Variants in TENM3 observed in about 807,000 individuals in gnomAD.
TENM3 encodes the protein teneurin transmembrane protein 3.
Under a neutral mutation model 255.1 loss-of-function variants are expected in TENM3, and 63 were observed. The ratio of observed to expected loss-of-function variants is 0.25; its 90% CI spans 0.20 to 0.30. The LOEUF (loss-of-function observed/expected upper bound fraction) is 0.30. Ranked by LOEUF, TENM3 falls within the 10% of genes least tolerant of loss-of-function variation. The pLI, the probability that TENM3 is intolerant of heterozygous loss-of-function variation, is 1.00. For missense variants in TENM3, 2,929 were observed against 3,461.1 expected (o/e 0.85, Z 3.86); for synonymous variants, 1,306 against 1,322.3 (o/e 0.99, Z 0.27).
At chr4:181,767,104 T>C in the TENM3 span, among the ~76,000 whole-genome samples, 1 of 135,550 alleles carries the variant, frequency 7.4e-6, no homozygotes. Flanking sequence ...TACAAAAAAT[T>C]AGCAGGGCGT....
At chr4:181,932,075 A>G in the TENM3 span, among the ~76,000 whole-genome samples, 315 of 152,248 alleles carry the variant, frequency 2.1e-3, 2 homozygotes, top group Middle Eastern at 0.017. Flanking sequence ...TAGAAGAAAA[A>G]CCTAGGCAAT....
chr4:182,357,286 T>C (rs1319391945), intron 3 of TENM3, among the ~76,000 whole-genome samples: 1 of 151,586 alleles, frequency 6.6e-6, no homozygotes, highest in African/African-American at 2.4e-5. Context: ...CCCTGAGGAA[T>C]CGCCACACTG....
At chr4:182,768,436 G>A (rs1406839751) in intron 22 of TENM3, among the ~76,000 whole-genome samples, 3 of 152,156 alleles carry the variant, frequency 2.0e-5, no homozygotes, top group Admixed American at 2.0e-4. Flanking sequence ...ATCTACTGAA[G>A]ATGTTTAAGT....
chr4:182,045,522 T>G, the TENM3 span, among the ~76,000 whole-genome samples: 3,801 of 152,270 alleles, frequency 0.025, 163 homozygotes, highest in African/African-American at 0.084. Flanking sequence ...TCATTGCGTT[T>G]TTTTAAGGGT....
At chr4:181,622,514 A>G in the TENM3 span, among the ~76,000 whole-genome samples, 1 of 152,026 alleles carries the variant, frequency 6.6e-6, no homozygotes, top group Non-Finnish European at 1.5e-5. Flanking sequence ...TGTCTCTAAT[A>G]AAAATACAAA....
At chr4:181,873,787 GTTTA>G in the TENM3 span, among the ~76,000 whole-genome samples, 1 of 151,424 alleles carries the variant, frequency 6.6e-6, no homozygotes, top group Admixed American at 6.6e-5. Context: ...TGTTTTTTGT[GTTTA>G]TTTGTTTGTT....
rs761695007 is a variant in TENM3 at position 182,800,304 on chromosome 4, G to A, written c.8053G>A (p.Ala2685Thr). The change falls in exon 28 of 28, where the codon GCC becomes ACC. Residue 2685 changes from alanine (A) to threonine (T), a missense_variant. Physicochemically the swap from Ala to Thr is moderately conservative, Grantham distance 58. Transcript: ENST00000511685. The stretch of plus-strand genomic sequence containing the variant: ...GCAGTACCCCGAGCTGGCCGACAGC[G>A]CCAACAACATCCAGTTCCTGCGGCA... ...VEQYPELADS[A>T]NNIQFLRQSE... The A allele has an allele frequency of 6.9e-6, 11 of 1,594,172 alleles. No individual in the cohort carries two copies. The Admixed American group carries it at 1.3e-4, about 19-fold the overall frequency.
chr4:181,586,111 G>A, the TENM3 span, among the ~76,000 whole-genome samples: 2 of 152,176 alleles, frequency 1.3e-5, no homozygotes, highest in Admixed American at 1.3e-4. Flanking sequence ...TGGAGGGAAG[G>A]GGAAGACTTG....
the TENM3 span, among the ~76,000 whole-genome samples, chr4:181,654,768 A>AG: frequency 1.3e-5 from 2 of 151,404 alleles, no homozygotes; most frequent in African/African-American, 4.9e-5. Flanking sequence ...AAAAAAAAAA[A>AG]AAAAAAGAAG....
chr4:182,783,644 A>G (rs961423033), intron 24 of TENM3, among the ~76,000 whole-genome samples: 44 of 151,862 alleles, frequency 2.9e-4, no homozygotes, highest in African/African-American at 1.0e-3. Flanking sequence ...AATATCCTGC[A>G]GAGTGTTTTC....
chr4:181,734,167 A>G, the TENM3 span, among the ~76,000 whole-genome samples: 2 of 152,180 alleles, frequency 1.3e-5, no homozygotes, highest in Non-Finnish European at 2.9e-5. Flanking sequence ...TGAATTGATA[A>G]TATTTCAGGA....
intron 3 of TENM3, among the ~76,000 whole-genome samples, chr4:182,551,639 A>G (rs1324883114): frequency 1.3e-5 from 2 of 152,160 alleles, no homozygotes; most frequent in African/African-American, 4.8e-5. Flanking sequence ...ATTTCATCTG[A>G]CTTAATATGA....
intron 3 of TENM3, among the ~76,000 whole-genome samples, chr4:182,590,538 C>CAAAAAAAAAAAAAAAAAAAA (rs34681777): frequency 1.3e-5 from 1 of 79,990 alleles, no homozygotes; most frequent in Non-Finnish European, 2.2e-5. Context: ...GACCCTGTCT[C>CAAAAAAAAAAAAAAAAAAAA]AAAAAAAAAA....
chr4:181,637,144 G>T, the TENM3 span, among the ~76,000 whole-genome samples: 74 of 152,302 alleles, frequency 4.9e-4, 1 homozygote, highest in Middle Eastern at 3.4e-3. Context: ...AGATTGCGAA[G>T]CCCCTTCTTC....
the TENM3 span, among the ~76,000 whole-genome samples, chr4:181,709,860 G>A: frequency 1.6e-4 from 24 of 152,322 alleles, no homozygotes; most frequent in Non-Finnish European, 2.8e-4. Context: ...TGGGAGAAAG[G>A]AGAAAATCAG....
the TENM3 span, among the ~76,000 whole-genome samples, chr4:181,958,043 A>G: frequency 6.6e-6 from 1 of 152,242 alleles, no homozygotes; most frequent in Non-Finnish European, 1.5e-5. Context: ...AACCTTCTCC[A>G]TTAAAACTCA....
At chr4:182,485,930 T>C (rs1038933534) in intron 3 of TENM3, among the ~76,000 whole-genome samples, 2 of 152,108 alleles carry the variant, frequency 1.3e-5, no homozygotes, top group Non-Finnish European at 2.9e-5. Flanking sequence ...CTAACCCACC[T>C]TAGGGGATTC....
chr4:181,947,120 T>C, the TENM3 span, among the ~76,000 whole-genome samples: 11 of 152,352 alleles, frequency 7.2e-5, no homozygotes, highest in South Asian at 2.3e-3. Flanking sequence ...AGTTGTTTAC[T>C]CAGTGCCTAC....
chr4:182,777,012 C>T (rs1764736096), intron 24 of TENM3, among the ~76,000 whole-genome samples: 1 of 152,066 alleles, frequency 6.6e-6, no homozygotes, highest in African/African-American at 2.4e-5. Flanking sequence ...AATTTCATTC[C>T]TCTGTGGATT....
Sources: gnomAD v4.1 joint callset for allele counts (sites outside exome capture counted in the v4.1 genomes callset) on GRCh38, gnomAD v4.1.1 for gene constraint, MANE v1.5 for transcripts, NCBI Gene and HGNC (gene_info 2026-07-23, HGNC 2026-07-21) for gene names.